Variants in GNAS-AS1 observed in about 807,000 individuals in gnomAD.
The protein encoded by GNAS-AS1 is GNAS antisense RNA 1, also known as GNAS antisense RNA 1 (non-protein coding).
rs902300089 is a variant in GNAS-AS1, at chr20:58,820,203, G to A, written n.820-948C>T. 1.1e-4 allele frequency among the ~76,000 whole-genome samples: 16 copies of A among 152,352 alleles called. No individual in the cohort carries two copies. The East Asian group carries it at 2.9e-3, about 28-fold the overall frequency. On this transcript the variant is annotated intron_variant and non_coding_transcript_variant, in intron 4 of 4. Transcript: ENST00000424094. ...GTTTCTGTCGTGGAACTGGAGATGC[G>A]GCCTTAGGTGCTGACCGCTGAGCCA...
intron 2 of GNAS-AS1, among the ~76,000 whole-genome samples, chr20:58,847,800 A>G (rs1214818208): frequency 6.6e-6 from 1 of 152,160 alleles, no homozygotes; most frequent in Non-Finnish European, 1.5e-5. Flanking sequence ...GGCTACAGGG[A>G]TAAACCCAGA....
At chr20:58,849,750 C>T (rs2086081054) in intron 1 of GNAS-AS1, among the ~76,000 whole-genome samples, 1 of 152,192 alleles carries the variant, frequency 6.6e-6, no homozygotes, top group Non-Finnish European at 1.5e-5. Flanking sequence ...CTCTTGAGTG[C>T]CGTCCTTCAG....
At chr20:58,831,617 C>T (rs897827413) in intron 4 of GNAS-AS1, among the ~76,000 whole-genome samples, 25 of 151,676 alleles carry the variant, frequency 1.6e-4, no homozygotes, top group African/African-American at 5.8e-4. Flanking sequence ...GGCGATAGAG[C>T]GAGACTCTGT....
chr20:58,848,244 G>C (rs577951298), intron 2 of GNAS-AS1, among the ~76,000 whole-genome samples: 1 of 152,068 alleles, frequency 6.6e-6, no homozygotes, highest in Admixed American at 6.5e-5. Flanking sequence ...CCTGGGTTTC[G>C]ACAGCCAATC....
At chr20:58,828,487 A>G (rs1373677945) in intron 4 of GNAS-AS1, among the ~76,000 whole-genome samples, 1 of 152,258 alleles carries the variant, frequency 6.6e-6, no homozygotes, top group Non-Finnish European at 1.5e-5. Context: ...ATTCAGTCTA[A>G]GAGTGGCTTT....
chr20:58,839,659 A>T (rs949196195), intron 4 of GNAS-AS1: 7 of 424,048 alleles, frequency 1.7e-5, no homozygotes, highest in Non-Finnish European at 2.5e-5. Context: ...GCTCGCGGGG[A>T]GGTGGCCCCC....
intron 4 of GNAS-AS1, among the ~76,000 whole-genome samples, chr20:58,823,278 C>T (rs1445275143): frequency 2.0e-5 from 3 of 152,216 alleles, no homozygotes; most frequent in Admixed American, 6.5e-5. Flanking sequence ...CATGCCTGTG[C>T]GTCCAATAAA....
chr20:58,829,607 G>A (rs937573630), intron 4 of GNAS-AS1, among the ~76,000 whole-genome samples: 1 of 152,154 alleles, frequency 6.6e-6, no homozygotes, highest in Non-Finnish European at 1.5e-5. Context: ...ACTATTCCTC[G>A]CTTGGAACTG....
At chr20:58,825,856 G>A (rs1432920229) in intron 4 of GNAS-AS1, among the ~76,000 whole-genome samples, 3 of 152,184 alleles carry the variant, frequency 2.0e-5, no homozygotes, top group Non-Finnish European at 4.4e-5. Flanking sequence ...CAATGCTCCC[G>A]GCATGGACGA....
chr20:58,838,916 CAAAAAAAAAAAAAA>C (rs766172876), intron 4 of GNAS-AS1: 2 of 200,360 alleles, frequency 1.0e-5, no homozygotes, highest in South Asian at 3.8e-4. Context: ...GATTCTGTCT[CAAAAAAAAAAAAAA>C]AAAAAAAAAA....
chr20:58,820,886 TGA>T (rs761563134), intron 4 of GNAS-AS1, among the ~76,000 whole-genome samples: 1 of 152,170 alleles, frequency 6.6e-6, no homozygotes, highest in Non-Finnish European at 1.5e-5. Flanking sequence ...GTGGGAATTG[TGA>T]GAGTTACAAT....
intron 4 of GNAS-AS1, among the ~76,000 whole-genome samples, chr20:58,824,817 T>G (rs8121981): frequency 5.2e-4 from 79 of 152,358 alleles, no homozygotes; most frequent in African/African-American, 1.8e-3. Flanking sequence ...GAGAGCATTG[T>G]ACTTTCTGGC....
chr20:58,846,347 G>A (rs1418943962), intron 2 of GNAS-AS1, among the ~76,000 whole-genome samples: 1 of 152,138 alleles, frequency 6.6e-6, no homozygotes, highest in Non-Finnish European at 1.5e-5. Flanking sequence ...ACATTAGGAA[G>A]GGCATTTTTA....
chr20:58,827,172 A>G (rs1484326120), intron 4 of GNAS-AS1, among the ~76,000 whole-genome samples: 2 of 152,230 alleles, frequency 1.3e-5, no homozygotes, highest in East Asian at 3.9e-4. Flanking sequence ...TATTTCACTG[A>G]AGTTCAACTT....
chr20:58,844,754 C>G (rs1014389203), intron 2 of GNAS-AS1, among the ~76,000 whole-genome samples: 1 of 151,656 alleles, frequency 6.6e-6, no homozygotes, highest in South Asian at 2.1e-4. Context: ...CTAGGTATCG[C>G]GCCATTGCAC....
intron 4 of GNAS-AS1, chr20:58,824,009 C>T: frequency 2.5e-6 from 1 of 398,654 alleles, no homozygotes; most frequent in Non-Finnish European, 4.4e-6. Flanking sequence ...CAGGGAGATA[C>T]AGAGAAAGGC....
chr20:58,840,481 C>T lies in GNAS-AS1; in HGVS notation n.819+1456G>A, dbSNP rs200256285. The T allele has an allele frequency of 8.1e-6, 13 of 1,613,544 alleles. No homozygotes were observed. The Admixed American group carries it at 2.0e-4, about 25-fold the overall frequency. On this transcript the variant is annotated intron_variant and non_coding_transcript_variant, in intron 4 of 4. Transcript: ENST00000424094. The surrounding 1 kb of genome is among the most constrained non-coding windows in gnomAD (Gnocchi z 6.0). Reference sequence around the variant, plus strand: ...CCGAAATCGAGTCCGAGACCGACTTCGAGACCGAGCCTGAGACCGCCCCCA... The same window carrying T: ...CCGAAATCGAGTCCGAGACCGACTTTGAGACCGAGCCTGAGACCGCCCCCA...
intron 4 of GNAS-AS1, among the ~76,000 whole-genome samples, chr20:58,832,692 C>T (rs1432105756): frequency 1.3e-5 from 2 of 152,140 alleles, no homozygotes; most frequent in East Asian, 1.9e-4. Flanking sequence ...CACAACACTC[C>T]GAGGACAGAG....
intron 4 of GNAS-AS1, among the ~76,000 whole-genome samples, chr20:58,825,004 G>A (rs534941854): frequency 1.3e-5 from 2 of 152,296 alleles, no homozygotes; most frequent in Admixed American, 6.5e-5. Context: ...GGCTCATCTC[G>A]CTGGGGCTTG....
Sources: gnomAD v4.1 joint callset for allele counts (sites outside exome capture counted in the v4.1 genomes callset) on GRCh38, gnomAD v4.1.1 for gene constraint, Gnocchi (gnomAD v3.1) non-coding constraint, MANE v1.5 for transcripts, NCBI Gene and HGNC (gene_info 2026-07-23, HGNC 2026-07-21) for gene names.